Variants in CACNA1E observed in about 807,000 individuals in gnomAD.
CACNA1E encodes voltage-dependent R-type calcium channel subunit alpha-1E.
In CACNA1E, 40 loss-of-function variants were observed where a neutral mutation model predicts 259.2. The ratio of observed to expected loss-of-function variants is 0.15; its 90% CI spans 0.12 to 0.20. The LOEUF is 0.20. Ranked by LOEUF, CACNA1E falls within the 10% of genes least tolerant of loss-of-function variation. The pLI, the probability that CACNA1E is intolerant of heterozygous loss-of-function variation, is 1.00. For missense variants in CACNA1E, 1,874 were observed against 3,040.1 expected (o/e 0.62, Z 9.02); for synonymous variants, 1,104 against 1,138.5 (o/e 0.97, Z 0.61).
chr1:181,326,483 T>G (rs1387302842), intron 1 of CACNA1E, among the ~76,000 whole-genome samples: 2 of 152,188 alleles, frequency 1.3e-5, no homozygotes, highest in Non-Finnish European at 2.9e-5. Context: ...GTGCTCCCAC[T>G]GCTTGGCAGT....
chr1:181,397,209 A>G (rs1403766831), intron 1 of CACNA1E, among the ~76,000 whole-genome samples: 4 of 152,218 alleles, frequency 2.6e-5, no homozygotes, highest in Non-Finnish European at 5.9e-5. Context: ...GATGCCTCCC[A>G]TGCTCCCAGC....
chr1:181,593,686 C>T (rs879198441), intron 6 of CACNA1E, among the ~76,000 whole-genome samples: 1 of 152,036 alleles, frequency 6.6e-6, no homozygotes, highest in Non-Finnish European at 1.5e-5. Context: ...CTACAGGCAC[C>T]CACCACCACA....
In CACNA1E at chr1:181,732,634, A is replaced by G. The variant is rs765828134; in HGVS notation, c.2548A>G (p.Ile850Val). The change falls in exon 20 of 48, where the codon ATC (isoleucine) becomes GTC (valine). Residue 850 changes from isoleucine to valine, a missense_variant. Ile to Val is a conservative substitution (Grantham distance 29). This residue lies in a region of CACNA1E where 476 missense variants were observed against 514.0 expected (regional missense o/e 0.93). Coordinates refer to ENST00000367573, the MANE Select transcript of CACNA1E (RefSeq NM_001205293.3). The surrounding 1 kb of genome is among the most constrained non-coding windows in gnomAD (Gnocchi z 5.5). ...CCTGGAGAAGTTCGAGGAGGAGCGC[A>G]TCAGCCGTGGGGGGTCCCTCAAGGG... ...LALEKFEEER[I>V]SRGGSLKGDG... 4.0e-6 allele frequency: 6 copies of G among 1,495,604 alleles called. No homozygotes were observed. The African/African-American group carries it at 7.0e-5, about 18-fold the overall frequency. 92.6% of individuals were successfully genotyped at this position (1,495,604 alleles called of 1,614,324 possible). A position where few individuals can be genotyped will look rare whatever the true frequency, so the allele number is the denominator to read the frequency against.
At chr1:181,416,111 G>A (rs1485895100) in intron 2 of CACNA1E, among the ~76,000 whole-genome samples, 1 of 152,150 alleles carries the variant, frequency 6.6e-6, no homozygotes, top group Non-Finnish European at 1.5e-5. Context: ...GGTCTGGAAA[G>A]TCCTTGGACA....
intron 2 of CACNA1E, among the ~76,000 whole-genome samples, chr1:181,421,333 A>G (rs1388185665): frequency 6.6e-6 from 1 of 152,184 alleles, no homozygotes; most frequent in Non-Finnish European, 1.5e-5. Context: ...GCAAAGTTTG[A>G]CCACATTTAT....
intron 21 of CACNA1E, among the ~76,000 whole-genome samples, chr1:181,735,593 G>T (rs1179505636): frequency 6.6e-6 from 1 of 152,188 alleles, no homozygotes; most frequent in Non-Finnish European, 1.5e-5. Context: ...TCGACCTCTG[G>T]CTCCTTCGTC....
intron 21 of CACNA1E, among the ~76,000 whole-genome samples, chr1:181,735,094 A>G (rs1222363992): frequency 6.6e-6 from 1 of 151,870 alleles, no homozygotes; most frequent in African/African-American, 2.4e-5. Context: ...CTCCCTCTCC[A>G]TTTCCGCATC....
At chr1:181,387,348 C>T (rs577063269) in intron 1 of CACNA1E, among the ~76,000 whole-genome samples, 1 of 152,236 alleles carries the variant, frequency 6.6e-6, no homozygotes, top group East Asian at 1.9e-4. Flanking sequence ...AATCACTTTC[C>T]CACTGAGGCT....
intron 1 of CACNA1E, among the ~76,000 whole-genome samples, chr1:181,393,252 G>A (rs1656424062): frequency 6.6e-6 from 1 of 152,292 alleles, no homozygotes; most frequent in Non-Finnish European, 1.5e-5. Context: ...ATAAACCTGT[G>A]CCTCAGTTTT....
chr1:181,528,020 C>A (rs895787486), intron 3 of CACNA1E, among the ~76,000 whole-genome samples: 1 of 151,996 alleles, frequency 6.6e-6, no homozygotes, highest in Non-Finnish European at 1.5e-5. Flanking sequence ...GTGGTGAAGA[C>A]CATTTTTTAT....
At chr1:181,662,585 A>G (rs1647795742) in intron 7 of CACNA1E, among the ~76,000 whole-genome samples, 1 of 152,234 alleles carries the variant, frequency 6.6e-6, no homozygotes, top group Admixed American at 6.5e-5. Context: ...ATATAAGATT[A>G]CCGGGGAAAT....
chr1:181,789,908 T>C (rs1661149898), intron 43 of CACNA1E, among the ~76,000 whole-genome samples: 1 of 152,186 alleles, frequency 6.6e-6, no homozygotes, highest in Non-Finnish European at 1.5e-5. Flanking sequence ...CTGAAATCCT[T>C]CTCAGTTCAT....
At chr1:181,570,766 G>T (rs1426708446) in intron 3 of CACNA1E, among the ~76,000 whole-genome samples, 2 of 152,056 alleles carry the variant, frequency 1.3e-5, no homozygotes, top group Admixed American at 1.3e-4. Context: ...TTCTTGTAAG[G>T]GCACCTGTGA....
At chr1:181,431,542 A>AT in intron 2 of CACNA1E, among the ~76,000 whole-genome samples, 1 of 152,316 alleles carries the variant, frequency 6.6e-6, no homozygotes, top group South Asian at 2.1e-4. Context: ...GGTCCAGGAT[A>AT]TTAACAGACA....
intron 1 of CACNA1E, among the ~76,000 whole-genome samples, chr1:181,329,200 G>A (rs1416467444): frequency 1.3e-5 from 2 of 151,996 alleles, no homozygotes; most frequent in Admixed American, 1.3e-4. Context: ...CCCTCAATAT[G>A]TCTCGACCTT....
At chr1:181,661,937 A>G (rs1228860592) in intron 7 of CACNA1E, among the ~76,000 whole-genome samples, 2 of 152,218 alleles carry the variant, frequency 1.3e-5, no homozygotes, top group African/African-American at 4.8e-5. Flanking sequence ...ATGGAAGGAA[A>G]TTATCTGTCA....
At chr1:181,642,690 C>T (rs7543825) in intron 6 of CACNA1E, among the ~76,000 whole-genome samples, 29,785 of 152,048 alleles carry the variant, frequency 0.2, 3,187 homozygotes, top group South Asian at 0.28. Flanking sequence ...CTCTTTAATC[C>T]TCTCTTAAAT....
intron 7 of CACNA1E, among the ~76,000 whole-genome samples, chr1:181,708,252 G>A (rs1326606972): frequency 6.6e-6 from 1 of 152,170 alleles, no homozygotes; most frequent in Non-Finnish European, 1.5e-5. Flanking sequence ...ACGCTTGAAG[G>A]CTTCATCCTC....
intron 47 of CACNA1E, 87 bp downstream of exon 47, chr1:181,796,945 A>G: frequency 3.1e-6 from 3 of 969,542 alleles, no homozygotes; most frequent in Non-Finnish European, 4.5e-6. Context: ...GCATTTCGCA[A>G]ACGCATTCAA....
Sources: allele counts gnomAD v4.1 joint callset (sites outside exome capture counted in the v4.1 genomes callset), GRCh38; gene constraint gnomAD v4.1.1; regional missense constraint gnomAD v4.1.1; non-coding constraint Gnocchi (gnomAD v3.1); transcripts MANE v1.5; gene names NCBI Gene and HGNC (gene_info 2026-07-23, HGNC 2026-07-21).